The following NRF1 variants were observed in gnomAD, a reference collection of about 807,000 sequenced individuals.
NRF1 encodes the protein alpha palindromic-binding protein.
A neutral mutation model predicts 58.5 loss-of-function variants in NRF1; 5 were observed. The ratio of observed to expected loss-of-function variants is 0.09; its 90% CI spans 0.04 to 0.18. NRF1 has a LOEUF of 0.18. NRF1 is among the 10% of genes least tolerant of loss of function. The probability of loss-of-function intolerance (pLI) is 1.00; values close to 1 mark genes in which losing one functional copy is unlikely to be tolerated. For missense variants in NRF1, 288 were observed against 657.7 expected (o/e 0.44, Z 6.15); for synonymous variants, 224 against 246.7 (o/e 0.91, Z 0.86).
chr7:129,700,915 C>CA (rs1469308848), intron 5 of NRF1, among the ~76,000 whole-genome samples: 3 of 151,096 alleles, frequency 2.0e-5, no homozygotes, highest in African/African-American at 7.3e-5. Context: ...GACCCTGTCT[C>CA]AAAAAAGAAA....
chr7:129,671,351 T>G, intron 2 of NRF1, 78 bp from the exon 3 acceptor site: 1 of 833,410 alleles, frequency 1.2e-6, no homozygotes, highest in Non-Finnish European at 2.0e-6. Context: ...GTGCTACCTT[T>G]TTTGTACCTT....
At chr7:129,621,531 T>C (rs1172367700) in intron 1 of NRF1, among the ~76,000 whole-genome samples, 1 of 152,144 alleles carries the variant, frequency 6.6e-6, no homozygotes, top group East Asian at 1.9e-4. Context: ...AATAAAATTT[T>C]TGGTAACAGA....
chr7:129,744,132 T>C (rs78267416), intron 10 of NRF1: 1 of 602,806 alleles, frequency 1.7e-6, no homozygotes, highest in Admixed American at 4.7e-5. Flanking sequence ...GCCCGGTGCT[T>C]TTTTTTTTTT....
intron 3 of NRF1, among the ~76,000 whole-genome samples, chr7:129,676,503 G>A (rs1802182258): frequency 6.6e-6 from 1 of 152,210 alleles, no homozygotes; most frequent in Admixed American, 6.5e-5. Context: ...GAGTGGGAGA[G>A]AGGCAGGAAA....
At chr7:129,632,231 G>A (rs1044676873) in intron 1 of NRF1, among the ~76,000 whole-genome samples, 3 of 152,074 alleles carry the variant, frequency 2.0e-5, no homozygotes, top group Non-Finnish European at 4.4e-5. Flanking sequence ...GTGTGATCAT[G>A]CCACTGCACT....
chr7:129,676,624 C>G (rs1464539527), intron 3 of NRF1, among the ~76,000 whole-genome samples: 1 of 152,200 alleles, frequency 6.6e-6, no homozygotes, highest in Non-Finnish European at 1.5e-5. Flanking sequence ...CATCGAAGAT[C>G]ACTGATCACA....
At chr7:129,749,718 C>T (rs1376381632) in intron 10 of NRF1, among the ~76,000 whole-genome samples, 2 of 152,052 alleles carry the variant, frequency 1.3e-5, no homozygotes, top group South Asian at 2.1e-4. Flanking sequence ...TAAGGACATT[C>T]TAATATATGG....
intron 2 of NRF1, among the ~76,000 whole-genome samples, chr7:129,666,035 T>C (rs1801913877): frequency 6.6e-6 from 1 of 152,222 alleles, no homozygotes; most frequent in Admixed American, 6.5e-5. Context: ...ATTAATATCT[T>C]GAGAGTGATA....
chr7:129,624,598 A>G (rs1800873992), intron 1 of NRF1, among the ~76,000 whole-genome samples: 1 of 152,148 alleles, frequency 6.6e-6, no homozygotes, highest in South Asian at 2.1e-4. Flanking sequence ...AAACGTAACC[A>G]CCTACCAAAA....
At chr7:129,626,556 A>G (rs1800924014) in intron 1 of NRF1, among the ~76,000 whole-genome samples, 1 of 152,212 alleles carries the variant, frequency 6.6e-6, no homozygotes, top group Admixed American at 6.5e-5. Context: ...GTGTGTTACA[A>G]GTGTTACATT....
At chr7:129,710,217 C>T (rs929402595) in intron 6 of NRF1, among the ~76,000 whole-genome samples, 157 bp from the exon 7 acceptor site, 3 of 152,176 alleles carry the variant, frequency 2.0e-5, no homozygotes, top group Non-Finnish European at 4.4e-5. Flanking sequence ...CAGCTTCTTT[C>T]TACCAGAACC....
intron 10 of NRF1, among the ~76,000 whole-genome samples, chr7:129,748,679 A>T (rs571042497): frequency 8.6e-6 from 1 of 115,916 alleles, no homozygotes; most frequent in East Asian, 2.8e-4. Context: ...AATGTTTTTG[A>T]TGGGATGGGA....
At chr7:129,626,409 G>C (rs1562952499) in intron 1 of NRF1, among the ~76,000 whole-genome samples, 1 of 152,112 alleles carries the variant, frequency 6.6e-6, no homozygotes, top group Non-Finnish European at 1.5e-5. Context: ...TTTGAATTAG[G>C]TTTATCTGTA....
At chr7:129,642,776 T>TG (rs1464724859) in intron 1 of NRF1, among the ~76,000 whole-genome samples, 2 of 137,066 alleles carry the variant, frequency 1.5e-5, no homozygotes, top group Non-Finnish European at 3.1e-5. Flanking sequence ...TTTTTTTTTT[T>TG]AAATGAGATA....
chr7:129,627,837 T>G (rs1800954256), intron 1 of NRF1, among the ~76,000 whole-genome samples: 1 of 152,146 alleles, frequency 6.6e-6, no homozygotes, highest in South Asian at 2.1e-4. Flanking sequence ...TTTTCATGGT[T>G]GCTAAATGAA....
intron 1 of NRF1, among the ~76,000 whole-genome samples, chr7:129,630,475 C>A (rs1801023941): frequency 6.6e-6 from 1 of 151,968 alleles, no homozygotes. Context: ...TTCAATAGTT[C>A]TCTGCTTGTG....
At chr7:129,625,332 G>A (rs557534026) in intron 1 of NRF1, among the ~76,000 whole-genome samples, 1 of 152,260 alleles carries the variant, frequency 6.6e-6, no homozygotes, top group Admixed American at 6.5e-5. Flanking sequence ...GTATTCACAG[G>A]TGCCAATGGT....
chr7:129,736,865 A>G (rs1482103596), intron 10 of NRF1, among the ~76,000 whole-genome samples: 1 of 152,194 alleles, frequency 6.6e-6, no homozygotes, highest in Non-Finnish European at 1.5e-5. Context: ...GAGGTCCCGC[A>G]GAGCTGGAGA....
chr7:129,740,541 T>C (rs968962389), intron 10 of NRF1, among the ~76,000 whole-genome samples: 4 of 152,192 alleles, frequency 2.6e-5, no homozygotes, highest in African/African-American at 9.7e-5. Context: ...TTCTCTTCTC[T>C]AGAATTACCA....
Sources: gnomAD v4.1 joint callset for allele counts (sites outside exome capture counted in the v4.1 genomes callset) on GRCh38, gnomAD v4.1.1 for gene constraint, MANE v1.5 for transcripts, NCBI Gene and HGNC (gene_info 2026-07-23, HGNC 2026-07-21) for gene names.